INPP5A: variants seen among roughly 807,000 people sequenced by gnomAD.
INPP5A encodes 43 kDa inositol polyphosphate 5-phophatase.
In INPP5A, 14 loss-of-function variants were observed where a neutral mutation model predicts 65.2. The ratio of observed to expected loss-of-function variants is 0.21; its 90% CI spans 0.14 to 0.34. INPP5A has a LOEUF of 0.34. Among genes scored for constraint, INPP5A ranks in the 10% least tolerant of loss-of-function variants. INPP5A has a pLI of 1.00. For synonymous variants in INPP5A, 207 were observed against 208.3 expected, an observed-to-expected ratio of 0.99 and a Z score of 0.05; for missense variants, 431 against 545.6, an observed-to-expected ratio of 0.79 and a Z score of 2.09.
chr10:132,666,521 G>A (rs191644846), intron 4 of INPP5A, among the ~76,000 whole-genome samples: 4 of 152,196 alleles, frequency 2.6e-5, no homozygotes, highest in African/African-American at 9.6e-5. Flanking sequence ...AACCCCTGTC[G>A]GATCACCCAA....
intron 12 of INPP5A, among the ~76,000 whole-genome samples, chr10:132,768,300 G>T (rs1448049085): frequency 7.1e-6 from 1 of 140,572 alleles, no homozygotes; most frequent in African/African-American, 2.6e-5. Context: ...GACCCTCAGC[G>T]TTCCCAGGGT....
intron 8 of INPP5A, among the ~76,000 whole-genome samples, chr10:132,714,529 C>G (rs1028640199): frequency 6.6e-6 from 1 of 152,180 alleles, no homozygotes; most frequent in African/African-American, 2.4e-5. Context: ...CAGCCTCTTC[C>G]TGGTTTAATC....
intron 12 of INPP5A, among the ~76,000 whole-genome samples, chr10:132,768,001 G>A (rs148407148): frequency 9.7e-5 from 13 of 133,966 alleles, no homozygotes; most frequent in Non-Finnish European, 7.8e-5. Context: ...GGGTGCCCAC[G>A]TGCCCAGTGG....
chr10:132,670,635 C>T (rs941196763), intron 4 of INPP5A, among the ~76,000 whole-genome samples: 1 of 151,662 alleles, frequency 6.6e-6, no homozygotes, highest in African/African-American at 2.4e-5. Context: ...TAAGTCTTCA[C>T]CCTGCCTGCG....
At chr10:132,652,564 G>A (rs997615830) in intron 4 of INPP5A, among the ~76,000 whole-genome samples, 1 of 152,232 alleles carries the variant, frequency 6.6e-6, no homozygotes, top group African/African-American at 2.4e-5. Context: ...CATCATCCTC[G>A]GAAGAGTGGG....
intron 12 of INPP5A, among the ~76,000 whole-genome samples, chr10:132,776,355 C>T (rs1847062988): frequency 3.3e-5 from 5 of 151,842 alleles, no homozygotes. Flanking sequence ...GAGCAAGTTC[C>T]CAGTCCCCGG....
intron 1 of INPP5A, among the ~76,000 whole-genome samples, chr10:132,553,677 C>G (rs1193647668): frequency 7.3e-6 from 1 of 136,564 alleles, no homozygotes; most frequent in Non-Finnish European, 1.6e-5. Context: ...TGGTGAATGC[C>G]TTCTCAGAGC....
chr10:132,770,428 C>T (rs1387730102), intron 12 of INPP5A, among the ~76,000 whole-genome samples: 1 of 152,216 alleles, frequency 6.6e-6, no homozygotes, highest in African/African-American at 2.4e-5. Flanking sequence ...GGACGCTGAG[C>T]GTATGGAGGA....
At chr10:132,668,819 G>T (rs2072841897) in intron 4 of INPP5A, among the ~76,000 whole-genome samples, 1 of 152,302 alleles carries the variant, frequency 6.6e-6, no homozygotes, top group Admixed American at 6.5e-5. Context: ...CATTTCTGTG[G>T]CTTTCTTTAA....
chr10:132,772,860 A>C (rs1273783460), intron 12 of INPP5A, among the ~76,000 whole-genome samples: 1 of 111,032 alleles, frequency 9.0e-6, no homozygotes, highest in Non-Finnish European at 1.8e-5. Flanking sequence ...TGGGACGGAC[A>C]CTCAGCACTG....
chr10:132,758,418 G>A (rs1334870761), intron 11 of INPP5A, among the ~76,000 whole-genome samples: 4 of 142,490 alleles, frequency 2.8e-5, no homozygotes, highest in East Asian at 2.2e-4. Context: ...ACACAGTGCC[G>A]TGGTGTGGGT....
chr10:132,708,521 G>C (rs766227055), intron 7 of INPP5A, 156 bp downstream of exon 7: 2 of 792,928 alleles, frequency 2.5e-6, no homozygotes, highest in South Asian at 1.4e-5. Context: ...TGACCCTTTT[G>C]GTTCACGGCG....
intron 8 of INPP5A, among the ~76,000 whole-genome samples, chr10:132,722,678 G>A (rs1564983937): frequency 1.3e-5 from 2 of 152,220 alleles, no homozygotes; most frequent in Admixed American, 1.3e-4. Flanking sequence ...CAGCCGTCGC[G>A]GTGGAGCAGC....
At position 132,675,597 on chromosome 10, in the gene INPP5A, G is replaced by A. The variant is rs1017962759; in HGVS notation, c.307-14795G>A. ...GCCTTGCCGTGCCCGGGAGAGTGAGGGTAACGGACATTCCCACGGGGATAT... is the reference window on the plus strand; with the variant it reads ...GCCTTGCCGTGCCCGGGAGAGTGAGAGTAACGGACATTCCCACGGGGATAT... On this transcript the variant is annotated intron_variant, in intron 4 of 15. Coordinates refer to ENST00000368594, the MANE Select transcript of INPP5A (RefSeq NM_005539.5). This position sits in a 1 kb window ranked among gnomAD's most constrained non-coding sequence, Gnocchi z 4.2. 6.6e-6 allele frequency among the ~76,000 whole-genome samples: 1 copy of A among 151,776 alleles called. No homozygotes were observed. Among genetic ancestry groups the A allele is most frequent in the African/African-American group, 2.4e-5 (1 of 41,184 alleles).
At chr10:132,640,668 G>A (rs940854388) in intron 2 of INPP5A, among the ~76,000 whole-genome samples, 1 of 152,262 alleles carries the variant, frequency 6.6e-6, no homozygotes, top group African/African-American at 2.4e-5. Context: ...GGCGGGAACA[G>A]TGGCCTCCGA....
At chr10:132,752,464 G>T (rs1015306252) in intron 11 of INPP5A, among the ~76,000 whole-genome samples, 6 of 144,982 alleles carry the variant, frequency 4.1e-5, no homozygotes, top group Non-Finnish European at 6.1e-5. Context: ...GTGGAGGGGG[G>T]TGTGGCATGG....
At chr10:132,567,453 C>T (rs926620867) in intron 1 of INPP5A, among the ~76,000 whole-genome samples, 6 of 152,206 alleles carry the variant, frequency 3.9e-5, no homozygotes, top group Non-Finnish European at 8.8e-5. Context: ...GCCCCTTGGG[C>T]AACTTTTAAA....
At chr10:132,686,843 A>G (rs549308349) in intron 4 of INPP5A, among the ~76,000 whole-genome samples, 5 of 152,404 alleles carry the variant, frequency 3.3e-5, no homozygotes, top group African/African-American at 9.6e-5. Flanking sequence ...TGGAGGAGAC[A>G]TTAAGTTTCA....
At position 132,603,596 on chromosome 10, in the gene INPP5A, A is replaced by G. The variant is rs971325655; in HGVS notation, c.76-4319A>G. The stretch of plus-strand genomic sequence containing the variant: ...AAGCTCTACAATTCCTCTAAGGATA[A>G]GAAAACTTTTCTAAACTTGAAGAAT... On this transcript the variant is annotated intron_variant, in intron 1 of 15. Coordinates refer to ENST00000368594, the MANE Select transcript of INPP5A (RefSeq NM_005539.5). The surrounding 1 kb of genome is among the most constrained non-coding windows in gnomAD (Gnocchi z 4.2). Among the ~76,000 whole-genome samples the G allele has an allele frequency of 2.6e-5, 4 of 152,368 alleles. No homozygotes were observed. The highest frequency in any genetic ancestry group is 4.4e-5 in the Non-Finnish European group (3 of 68,032).
Sources: gnomAD v4.1 joint callset for allele counts (sites outside exome capture counted in the v4.1 genomes callset) on GRCh38, gnomAD v4.1.1 for gene constraint, Gnocchi (gnomAD v3.1) non-coding constraint, MANE v1.5 for transcripts, NCBI Gene and HGNC (gene_info 2026-07-23, HGNC 2026-07-21) for gene names.